The following ANKMY2 variants were observed in gnomAD, a reference collection of about 807,000 sequenced individuals.
ANKMY2 encodes the protein ankyrin repeat and MYND domain containing 2, also known as ankyrin repeat and MYND domain-containing protein 2.
ANKMY2 carries 36 observed loss-of-function variants against 50.4 expected under a neutral mutation model. That is an observed-to-expected ratio of 0.71 (90% CI 0.55 to 0.94). ANKMY2 has a LOEUF of 0.94. Ranked by LOEUF, ANKMY2 falls within the 40% of genes least tolerant of loss-of-function variation. The pLI is 0.00. For missense variants in ANKMY2, 565 were observed against 524.0 expected (o/e 1.08, Z -0.76); for synonymous variants, 187 against 178.8 (o/e 1.05, Z -0.36).
intron 2 of ANKMY2, among the ~76,000 whole-genome samples, chr7:16,632,233 C>A (rs773525300): frequency 2.0e-5 from 3 of 150,150 alleles, no homozygotes; most frequent in Non-Finnish European, 2.9e-5. Context: ...TTTTTTCTTT[C>A]CTGTTTTATT....
chr7:16,632,063 CCTT>C lies in ANKMY2; in HGVS notation c.132+4325_132+4327del, dbSNP rs376726167. 4.9e-4 allele frequency among the ~76,000 whole-genome samples: 75 copies of C among 151,774 alleles called. 1 individual carries two copies. The South Asian group carries it at 0.015, about 30-fold the overall frequency. On this transcript the variant is annotated intron_variant, in intron 2 of 9. Transcript: ENST00000306999. ...TGTTTTTCTTTCTCCCTCCCTCCCT[CCTT>C]CTCTTTCTCCTTTCTTTCCCCCCGT...
At chr7:16,636,302 CAAAAAAAAA>C (rs376207917) in intron 2 of ANKMY2, 80 bp downstream of exon 2, 12 of 214,416 alleles carry the variant, frequency 5.6e-5, no homozygotes, top group East Asian at 5.0e-4. Context: ...CACTCCATCT[CAAAAAAAAA>C]AAAAAAAAAA....
At chr7:16,645,041 C>A (rs965525128) in intron 1 of ANKMY2, among the ~76,000 whole-genome samples, 1 of 152,088 alleles carries the variant, frequency 6.6e-6, no homozygotes, top group African/African-American at 2.4e-5. Context: ...TCCCTAAGGG[C>A]GCCCTCCACT....
chr7:16,623,308 G>A (rs554856024), intron 4 of ANKMY2, among the ~76,000 whole-genome samples: 6 of 152,170 alleles, frequency 3.9e-5, no homozygotes, highest in African/African-American at 1.4e-4. Flanking sequence ...TATTAAAATG[G>A]AATGAAAACA....
chr7:16,617,524 A>AC (rs1781372887), intron 4 of ANKMY2, among the ~76,000 whole-genome samples: 1 of 152,220 alleles, frequency 6.6e-6, no homozygotes, highest in Non-Finnish European at 1.5e-5. Context: ...AATAACTACC[A>AC]CAACTACAGC....
intron 1 of ANKMY2, among the ~76,000 whole-genome samples, chr7:16,636,884 T>G (rs1781669260): frequency 6.6e-6 from 1 of 152,224 alleles, no homozygotes; most frequent in Non-Finnish European, 1.5e-5. Flanking sequence ...CACCACATCT[T>G]GTGAATTGAT....
At chr7:16,613,799 G>T (rs1781295668) in intron 5 of ANKMY2, among the ~76,000 whole-genome samples, 1 of 151,858 alleles carries the variant, frequency 6.6e-6, no homozygotes. Flanking sequence ...AGCCAGGCGT[G>T]GTGGTGGGCA....
At chr7:16,622,017 C>T (rs1038396539) in intron 4 of ANKMY2, among the ~76,000 whole-genome samples, 12 of 148,820 alleles carry the variant, frequency 8.1e-5, no homozygotes, top group African/African-American at 3.0e-4. Flanking sequence ...TGGTAAAGGT[C>T]TCCATAAAGT....
intron 1 of ANKMY2, among the ~76,000 whole-genome samples, chr7:16,639,350 A>T (rs2128346776): frequency 1.3e-5 from 2 of 152,360 alleles, no homozygotes; most frequent in Middle Eastern, 6.8e-3. Context: ...AGAGTACTAT[A>T]AGAAGGGATG....
rs1159853098 is a variant in ANKMY2, at chr7:16,604,714, T to C, written c.1011+7A>G. 6.2e-7 allele frequency: 1 copy of C among 1,613,268 alleles called. No homozygotes were observed. Among genetic ancestry groups the C allele is most frequent in the Non-Finnish European group, 8.5e-7 (1 of 1,179,574 alleles). On this transcript the variant is annotated splice_region_variant and intron_variant, in intron 8 of 9. Coordinates refer to ENST00000306999, the MANE Select transcript of ANKMY2 (RefSeq NM_020319.3). ...GGTCAATGAAATAAAAAGAACTCCA[T>C]TCTTACCATTTTGCAAACTGAACAT...
At chr7:16,643,312 T>C (rs1781770759) in intron 1 of ANKMY2, among the ~76,000 whole-genome samples, 1 of 152,320 alleles carries the variant, frequency 6.6e-6, no homozygotes, top group Non-Finnish European at 1.5e-5. Flanking sequence ...CCAAATTAAA[T>C]GCATTAATAT....
Position 16,602,448 on chromosome 7 carries a change from T to C in ANKMY2, c.1073A>G (p.Lys358Arg). 6.2e-7 allele frequency: 1 copy of C among 1,614,002 alleles called. No homozygotes were observed. Residue 358 changes from lysine (K) to arginine (R), a missense_variant, in exon 9 of 10, where the codon AAG becomes AGG. By Grantham distance (26) the Lys-to-Arg change is conservative. Coordinates refer to ENST00000306999, the MANE Select transcript of ANKMY2 (RefSeq NM_020319.3). ...THWFTHKKIC[K>R]NLKDIYEKQQ... Reference sequence around the variant, plus strand: ...CTTTTCGTAAATGTCCTTCAGATTCTTACAGATTTTCTTATGAGTAAACCA... The same window carrying C: ...CTTTTCGTAAATGTCCTTCAGATTCCTACAGATTTTCTTATGAGTAAACCA...
At chr7:16,614,164 TGAGA>T (rs1781303956) in intron 5 of ANKMY2, among the ~76,000 whole-genome samples, 1 of 152,172 alleles carries the variant, frequency 6.6e-6, no homozygotes, top group Admixed American at 6.5e-5. Context: ...AGCCCATGCC[TGAGA>T]GAGTGCCATG....
chr7:16,610,513 G>C (rs146202734), intron 6 of ANKMY2, 36 bp downstream of exon 6: 2 of 1,506,550 alleles, frequency 1.3e-6, no homozygotes, highest in Admixed American at 1.9e-5. Flanking sequence ...ATATTCACTT[G>C]AGTGTATTTT....
intron 4 of ANKMY2, among the ~76,000 whole-genome samples, chr7:16,623,115 A>C (rs913725655): frequency 3.3e-5 from 5 of 152,190 alleles, no homozygotes; most frequent in African/African-American, 1.2e-4. Context: ...CTGCTGTGTG[A>C]TGGGTGGCAT....
chr7:16,633,215 G>A (rs868537789), intron 2 of ANKMY2, among the ~76,000 whole-genome samples: 6 of 150,110 alleles, frequency 4.0e-5, no homozygotes, highest in Admixed American at 6.6e-5. Flanking sequence ...TCACTTTCTC[G>A]GTGGTACGCT....
At chr7:16,610,442 C>T in intron 6 of ANKMY2, 107 bp downstream of exon 6, 1 of 844,546 alleles carries the variant, frequency 1.2e-6, no homozygotes. Context: ...CCAACAACAG[C>T]AATTGCTGCC....
intron 1 of ANKMY2, chr7:16,644,901 C>T (rs990633216): frequency 1.2e-5 from 4 of 345,674 alleles, no homozygotes; most frequent in South Asian, 4.2e-5. Context: ...GTGGAGGCCT[C>T]GCCAATTTCC....
chr7:16,623,648 G>A (rs1377040255), intron 4 of ANKMY2, among the ~76,000 whole-genome samples: 1 of 152,130 alleles, frequency 6.6e-6, no homozygotes. Flanking sequence ...CAGCACACAT[G>A]AACTAAAGTT....
Sources: gnomAD v4.1 joint callset for allele counts (sites outside exome capture counted in the v4.1 genomes callset) on GRCh38, gnomAD v4.1.1 for gene constraint, MANE v1.5 for transcripts, NCBI Gene and HGNC (gene_info 2026-07-23, HGNC 2026-07-21) for gene names.